The following NPAS3 variants were observed in gnomAD, a reference collection of about 807,000 sequenced individuals.
NPAS3 encodes neuronal PAS domain-containing protein 3.
Under a neutral mutation model 73.1 loss-of-function variants are expected in NPAS3, and 14 were observed. That is an observed-to-expected ratio of 0.19 (90% CI 0.13 to 0.30). The LOEUF is 0.30. NPAS3 is among the 10% of genes least tolerant of loss of function. The pLI is 1.00. For synonymous variants in NPAS3, 620 were observed against 541.5 expected (o/e 1.14, Z -2.01); for missense variants, 1,096 against 1,250.0 (o/e 0.88, Z 1.86).
At chr14:33,087,021 A>C (rs977363469) in intron 2 of NPAS3, among the ~76,000 whole-genome samples, 1 of 151,628 alleles carries the variant, frequency 6.6e-6, no homozygotes, top group Non-Finnish European at 1.5e-5. Flanking sequence ...TTCCATTTAA[A>C]TTTCAACAAG....
chr14:33,220,246 C>T (rs1204790647), intron 3 of NPAS3, among the ~76,000 whole-genome samples: 7 of 152,160 alleles, frequency 4.6e-5, no homozygotes, highest in African/African-American at 1.7e-4. Flanking sequence ...GAACAGACTC[C>T]CTGCTCTGAT....
At chr14:33,728,619 GCCA>G (rs1181793969) in intron 6 of NPAS3, among the ~76,000 whole-genome samples, 1 of 152,110 alleles carries the variant, frequency 6.6e-6, no homozygotes, top group East Asian at 1.9e-4. Context: ...GCACTGCCTC[GCCA>G]CCAGTAGTCA....
intron 3 of NPAS3, among the ~76,000 whole-genome samples, chr14:33,346,110 T>C (rs991867251): frequency 2.6e-5 from 4 of 151,558 alleles, no homozygotes; most frequent in Non-Finnish European, 4.4e-5. Flanking sequence ...CACGTGCCTG[T>C]AATCCCAGCT....
chr14:33,149,023 A>G (rs765763604), intron 2 of NPAS3, among the ~76,000 whole-genome samples: 1 of 152,154 alleles, frequency 6.6e-6, no homozygotes, highest in Non-Finnish European at 1.5e-5. Context: ...TCTACTGGAC[A>G]GCACTGCCTT....
At chr14:33,671,491 G>A in intron 5 of NPAS3, among the ~76,000 whole-genome samples, 1 of 152,206 alleles carries the variant, frequency 6.6e-6, no homozygotes, top group East Asian at 1.9e-4. Context: ...GGTTTAGCTT[G>A]ACTATAGGAT....
chr14:33,568,926 A>G (rs1177399925), intron 5 of NPAS3, among the ~76,000 whole-genome samples: 1 of 152,192 alleles, frequency 6.6e-6, no homozygotes, highest in East Asian at 1.9e-4. Flanking sequence ...CTTTTTCTTA[A>G]AATCATCATT....
chr14:33,229,838 C>A (rs2047780209), intron 3 of NPAS3, among the ~76,000 whole-genome samples: 1 of 152,146 alleles, frequency 6.6e-6, no homozygotes, highest in African/African-American at 2.4e-5. Context: ...TGCAGATGTG[C>A]ATTTATGATG....
At chr14:33,307,204 G>C in intron 3 of NPAS3, among the ~76,000 whole-genome samples, 1 of 152,176 alleles carries the variant, frequency 6.6e-6, no homozygotes, top group Non-Finnish European at 1.5e-5. Flanking sequence ...TAAGGGAAAA[G>C]AGGTTTTTGC....
chr14:33,727,513 G>A (rs755785337), intron 6 of NPAS3, among the ~76,000 whole-genome samples: 11 of 151,930 alleles, frequency 7.2e-5, no homozygotes, highest in East Asian at 1.9e-4. Context: ...ATGGGGTTTC[G>A]AGCTGCCTTC....
chr14:33,708,004 T>G (rs1442344476), intron 6 of NPAS3, among the ~76,000 whole-genome samples: 1 of 152,124 alleles, frequency 6.6e-6, no homozygotes, highest in South Asian at 2.1e-4. Context: ...AAATTACATT[T>G]TATTACCTCA....
intron 2 of NPAS3, among the ~76,000 whole-genome samples, chr14:33,161,893 C>T (rs1252188799): frequency 6.6e-6 from 1 of 152,174 alleles, no homozygotes; most frequent in East Asian, 1.9e-4. Flanking sequence ...AGGAATGGCT[C>T]ATGTGAGGAA....
chr14:33,000,954 G>T (rs1388163071), intron 1 of NPAS3, among the ~76,000 whole-genome samples: 1 of 152,224 alleles, frequency 6.6e-6, no homozygotes, highest in Non-Finnish European at 1.5e-5. Context: ...AATAACGTTA[G>T]CTGGAAAAGC....
intron 4 of NPAS3, among the ~76,000 whole-genome samples, chr14:33,402,880 G>A (rs1043627907): frequency 6.6e-6 from 1 of 152,100 alleles, no homozygotes; most frequent in African/African-American, 2.4e-5. Flanking sequence ...ATTTGTTCAT[G>A]TATGTCAGCT....
At chr14:33,175,194 A>T (rs1203207963) in intron 2 of NPAS3, among the ~76,000 whole-genome samples, 1 of 152,208 alleles carries the variant, frequency 6.6e-6, no homozygotes, top group Non-Finnish European at 1.5e-5. Flanking sequence ...GTAAAGGCAA[A>T]ATACTTGTAT....
chr14:33,310,901 T>G (rs535593299), intron 3 of NPAS3, among the ~76,000 whole-genome samples: 2 of 152,238 alleles, frequency 1.3e-5, no homozygotes, highest in South Asian at 4.1e-4. Flanking sequence ...TGTGGGTCTT[T>G]GCTTGTGACC....
intron 5 of NPAS3, among the ~76,000 whole-genome samples, chr14:33,674,888 G>A (rs912587685): frequency 3.9e-5 from 6 of 152,028 alleles, no homozygotes; most frequent in African/African-American, 4.8e-5. Flanking sequence ...TCATATTACC[G>A]GGACTTGGAG....
Position 33,393,506 on chromosome 14 carries a change from G to A in NPAS3, c.468+26238G>A, listed in dbSNP as rs561457051. Reference sequence around the variant, plus strand: ...CCAGGTTTTTCCACTTCAGCTGGCCGCCACCAGTTACATGTATTTTAGGCA... The same window carrying A: ...CCAGGTTTTTCCACTTCAGCTGGCCACCACCAGTTACATGTATTTTAGGCA... On this transcript the variant is annotated intron_variant, in intron 4 of 11. Transcript: ENST00000356141. Among the ~76,000 whole-genome samples, 8 of 152,176 alleles carry A rather than the reference G, an allele frequency of 5.3e-5. 1 individual carries two copies. In the South Asian group the frequency reaches 6.2e-4, roughly 12 times the overall value.
chr14:33,198,121 C>T (rs960333915), intron 2 of NPAS3, among the ~76,000 whole-genome samples: 4 of 152,128 alleles, frequency 2.6e-5, no homozygotes, highest in Non-Finnish European at 5.9e-5. Context: ...ATCTCACTGG[C>T]CTCAGGAGTG....
chr14:33,664,572 A>G (rs1263824916), intron 5 of NPAS3, among the ~76,000 whole-genome samples: 1 of 152,244 alleles, frequency 6.6e-6, no homozygotes, highest in African/African-American at 2.4e-5. Flanking sequence ...TATCAGAGTG[A>G]ACAGGCAATC....
Sources: gnomAD v4.1 joint callset for allele counts (sites outside exome capture counted in the v4.1 genomes callset) on GRCh38, gnomAD v4.1.1 for gene constraint, MANE v1.5 for transcripts, NCBI Gene and HGNC (gene_info 2026-07-23, HGNC 2026-07-21) for gene names.